Variants in SIRPB2 observed in about 807,000 individuals in gnomAD.
The protein encoded by SIRPB2 is signal-regulatory protein beta-2.
SIRPB2 carries 18 observed loss-of-function variants against 27.1 expected under a neutral mutation model. That is an observed-to-expected ratio of 0.66 (90% confidence interval 0.46 to 0.98). The LOEUF (loss-of-function observed/expected upper bound fraction) is 0.98. Among genes scored for constraint, SIRPB2 ranks in the 50% least tolerant of loss-of-function variants. SIRPB2 has a pLI of 0.00. For synonymous variants in SIRPB2, 150 were observed against 164.6 expected, an observed-to-expected ratio of 0.91 and a Z score of 0.68; for missense variants, 420 against 417.4, an observed-to-expected ratio of 1.01 and a Z score of -0.06.
At chr20:1,486,722 A>G (rs1166651440) in intron 1 of SIRPB2, among the ~76,000 whole-genome samples, 1 of 152,196 alleles carries the variant, frequency 6.6e-6, no homozygotes, top group Non-Finnish European at 1.5e-5. Flanking sequence ...ACGCATATAC[A>G]TGCACTCATA....
Position 1,486,056 on chromosome 20 carries a change from T to TTTTTCTTTTC in SIRPB2, c.85+5209_85+5218dup, listed in dbSNP as rs201361624. On this transcript the variant is annotated intron_variant, in intron 1 of 4. Coordinates refer to ENST00000359801, the MANE Select transcript of SIRPB2 (RefSeq NM_001122962.2). ...GTTTCATTTGTGAATTTTCCATATC[T>TTTTTCTTTTC]TTTTCTTTTCTTTTCTTTTCTTTTT... 1.8e-3 allele frequency among the ~76,000 whole-genome samples: 257 copies of TTTTTCTTTTC among 144,962 alleles called. 1 individual carries two copies. The highest frequency in any genetic ancestry group is 5.6e-3 in the East Asian group (25 of 4,436).
intron 2 of SIRPB2, 80 bp downstream of exon 2, chr20:1,479,620 A>T: frequency 7.7e-6 from 12 of 1,554,900 alleles, no homozygotes; most frequent in Non-Finnish European, 1.0e-5. Context: ...TGTGTGATAC[A>T]GCATGATACA....
At chr20:1,490,920 C>T (rs1221904515) in intron 1 of SIRPB2, among the ~76,000 whole-genome samples, 1 of 152,200 alleles carries the variant, frequency 6.6e-6, no homozygotes, top group Non-Finnish European at 1.5e-5. Flanking sequence ...GGCTGAGCCT[C>T]ACCACTTTTC....
intron 1 of SIRPB2, among the ~76,000 whole-genome samples, chr20:1,489,582 G>A (rs1427892109): frequency 6.6e-6 from 1 of 152,124 alleles, no homozygotes; most frequent in Admixed American, 6.5e-5. Context: ...GTCCCCTTCT[G>A]TGTTGTCACT....
At chr20:1,480,222 G>A (rs952590659) in intron 1 of SIRPB2, 157 bp from the exon 2 acceptor site, 2 of 988,516 alleles carry the variant, frequency 2.0e-6, no homozygotes, top group Non-Finnish European at 2.9e-6. Context: ...GGATGAGATG[G>A]CTGGCTGCAG....
downstream of SIRPB2, among the ~76,000 whole-genome samples, chr20:1,473,445 C>G (rs951200352): frequency 7.9e-5 from 12 of 152,132 alleles, no homozygotes; most frequent in Admixed American, 7.9e-4. Context: ...CATGCATGCA[C>G]ACACACCCAC....
chr20:1,484,211 G>C, intron 1 of SIRPB2, among the ~76,000 whole-genome samples: 1 of 152,106 alleles, frequency 6.6e-6, no homozygotes, highest in East Asian at 1.9e-4. Flanking sequence ...ATGAATTAAA[G>C]ATCTAACTGT....
At chr20:1,488,703 T>G (rs1162358174) in intron 1 of SIRPB2, among the ~76,000 whole-genome samples, 2 of 151,964 alleles carry the variant, frequency 1.3e-5, no homozygotes, top group Non-Finnish European at 2.9e-5. Flanking sequence ...TGACTAAAAT[T>G]AAAAAGATTG....
At position 1,476,316 on chromosome 20, in the gene SIRPB2, G is replaced by GT. The variant is rs764712211; in HGVS notation, c.879dup (p.Pro294ThrfsTer99). On this transcript the variant is annotated frameshift_variant, in exon 5 of 5. Coordinates refer to ENST00000359801, the MANE Select transcript of SIRPB2 (RefSeq NM_001122962.2). LOFTEE classifies it low-confidence loss of function (END_TRUNC). ...ATTGCCTTCAGCCCCAGGACCACAG[G>GT]TGCGAACACAACCAGGAGGCCTGGG... 2.5e-6 allele frequency: 4 copies of GT among 1,613,040 alleles called. No homozygotes were observed. In the Admixed American group the frequency reaches 5.0e-5, roughly 20 times the overall value.
chr20:1,490,690 A>C (rs1461188680), intron 1 of SIRPB2, among the ~76,000 whole-genome samples: 1 of 152,156 alleles, frequency 6.6e-6, no homozygotes, highest in African/African-American at 2.4e-5. Flanking sequence ...CTCAGAAAGA[A>C]ATTACTTAAA....
downstream of SIRPB2, among the ~76,000 whole-genome samples, chr20:1,473,506 T>C (rs79412499): frequency 0.1 from 15,650 of 152,170 alleles, 946 homozygotes; most frequent in Admixed American, 0.18. Context: ...ACCACACACA[T>C]GTTTTCAGGT....
intron 2 of SIRPB2, chr20:1,479,033 G>A (rs914309205): frequency 3.5e-5 from 6 of 171,102 alleles, no homozygotes; most frequent in African/African-American, 1.4e-4. Flanking sequence ...CAGTTTATGG[G>A]GTGTTTCCAC....
intron 1 of SIRPB2, among the ~76,000 whole-genome samples, chr20:1,481,339 G>A (rs2123029692): frequency 6.6e-6 from 1 of 152,214 alleles, no homozygotes; most frequent in South Asian, 2.1e-4. Flanking sequence ...TTCGAGATGA[G>A]AAAGAAAACG....
chr20:1,480,123 A>G, intron 1 of SIRPB2, 58 bp from the exon 2 acceptor site: 2 of 1,526,368 alleles, frequency 1.3e-6, no homozygotes, highest in Non-Finnish European at 1.7e-6. Flanking sequence ...GCCCTAAATG[A>G]CAAGCTTAAA....
At chr20:1,487,264 A>G (rs1356215832) in intron 1 of SIRPB2, among the ~76,000 whole-genome samples, 1 of 152,210 alleles carries the variant, frequency 6.6e-6, no homozygotes, top group Non-Finnish European at 1.5e-5. Context: ...GGAACTGCAA[A>G]CTGAAAATGT....
At chr20:1,474,454 G>C (rs1201081439), downstream of SIRPB2, 2 of 152,540 alleles carry the variant, frequency 1.3e-5, no homozygotes, top group African/African-American at 2.4e-5. Flanking sequence ...TCATCTACTC[G>C]CCGCTATAGT....
chr20:1,474,247 A>G (rs2090591468), downstream of SIRPB2, among the ~76,000 whole-genome samples: 1 of 152,178 alleles, frequency 6.6e-6, no homozygotes, highest in South Asian at 2.1e-4. Flanking sequence ...TACTTTTGCC[A>G]TACAAGGTAA....
chr20:1,489,700 G>C (rs1046113246), intron 1 of SIRPB2, among the ~76,000 whole-genome samples: 4 of 151,934 alleles, frequency 2.6e-5, no homozygotes, highest in Non-Finnish European at 4.4e-5. Context: ...TTCCTGTATG[G>C]GGCTCCCTTT....
downstream of SIRPB2, chr20:1,473,152 G>A (rs1395470891): frequency 1.3e-5 from 2 of 152,228 alleles, no homozygotes; most frequent in East Asian, 3.9e-4. Context: ...TCTTCTCTCG[G>A]GAGGAGGTAA....
Sources: gnomAD v4.1 joint callset for allele counts (sites outside exome capture counted in the v4.1 genomes callset) on GRCh38, gnomAD v4.1.1 for gene constraint, MANE v1.5 for transcripts, NCBI Gene and HGNC (gene_info 2026-07-23, HGNC 2026-07-21) for gene names.